The following ARHGAP24 variants were observed in gnomAD, a reference collection of about 807,000 sequenced individuals.
ARHGAP24 encodes Rho GTPase activating protein 24.
A neutral mutation model predicts 76.4 loss-of-function variants in ARHGAP24; 50 were observed. The ratio of observed to expected loss-of-function variants is 0.65; its 90% confidence interval spans 0.52 to 0.83. ARHGAP24 has a LOEUF of 0.83. Among genes scored for constraint, ARHGAP24 ranks in the 40% least tolerant of loss-of-function variants. The pLI is 0.00. For synonymous variants in ARHGAP24, 345 were observed against 323.3 expected, an observed-to-expected ratio of 1.07 and a Z score of -0.72; for missense variants, 930 against 914.2, an observed-to-expected ratio of 1.02 and a Z score of -0.22.
At chr4:85,975,049 C>A in intron 7 of ARHGAP24, 88 bp downstream of exon 7, 1 of 1,198,118 alleles carries the variant, frequency 8.3e-7, no homozygotes, top group Non-Finnish European at 1.2e-6. Flanking sequence ...TAAAATCACT[C>A]AACTACTTCG....
At chr4:85,976,240 G>A (rs1739313811) in intron 7 of ARHGAP24, among the ~76,000 whole-genome samples, 1 of 152,188 alleles carries the variant, frequency 6.6e-6, no homozygotes, top group South Asian at 2.1e-4. Context: ...TTTGCCTTCA[G>A]TGTTACTATA....
At chr4:85,627,664 A>G (rs1231319159) in intron 2 of ARHGAP24, among the ~76,000 whole-genome samples, 2 of 152,216 alleles carry the variant, frequency 1.3e-5, no homozygotes, top group Admixed American at 1.3e-4. Flanking sequence ...CCCTGCCCCC[A>G]GAAGTGGAGC....
At chr4:85,789,532 A>G (rs1245848920) in intron 3 of ARHGAP24, among the ~76,000 whole-genome samples, 1 of 152,202 alleles carries the variant, frequency 6.6e-6, no homozygotes, top group African/African-American at 2.4e-5. Flanking sequence ...AACTTATAAT[A>G]GAACCAACAT....
intron 3 of ARHGAP24, among the ~76,000 whole-genome samples, chr4:85,768,241 A>G (rs1395040607): frequency 6.6e-6 from 1 of 152,244 alleles, no homozygotes; most frequent in Admixed American, 6.5e-5. Flanking sequence ...TTCAAAATCT[A>G]AAGATTGGAT....
intron 3 of ARHGAP24, among the ~76,000 whole-genome samples, chr4:85,894,960 CAAAAAAAAAAAAAAA>C (rs540459367): frequency 2.8e-5 from 1 of 35,356 alleles, no homozygotes; most frequent in African/African-American, 8.1e-5. Context: ...GACTCCCTCT[CAAAAAAAAAAAAAAA>C]AAAAAAAAAA....
At chr4:85,922,699 C>A (rs1181748027) in intron 3 of ARHGAP24, among the ~76,000 whole-genome samples, 1 of 152,134 alleles carries the variant, frequency 6.6e-6, no homozygotes, top group African/African-American at 2.4e-5. Context: ...CAGAAATACT[C>A]CTTTAAACAT....
chr4:85,513,978 C>G (rs1320574044), intron 1 of ARHGAP24, among the ~76,000 whole-genome samples: 1 of 152,152 alleles, frequency 6.6e-6, no homozygotes, highest in African/African-American at 2.4e-5. Flanking sequence ...GCAGTTTCTT[C>G]TCTTATAAAA....
Position 85,500,007 on chromosome 4 carries a change from A to G in ARHGAP24, c.-21+24448A>G, listed in dbSNP as rs1723739653. On this transcript the variant is annotated intron_variant, in intron 1 of 9. Transcript: ENST00000395184. ...AATACCAACTAAGTATTTGTGATAA[A>G]ATTTAGCATCCAAATTGAGATGTAC... 2.0e-5 allele frequency among the ~76,000 whole-genome samples: 3 copies of G among 152,184 alleles called. No homozygotes were observed. The South Asian group carries it at 6.2e-4, about 32-fold the overall frequency.
At chr4:85,927,409 A>G (rs999250694) in intron 4 of ARHGAP24, among the ~76,000 whole-genome samples, 40 of 152,264 alleles carry the variant, frequency 2.6e-4, no homozygotes, top group Middle Eastern at 6.8e-3. Flanking sequence ...TCTAGAATTA[A>G]CTGTGGTAAT....
intron 2 of ARHGAP24, among the ~76,000 whole-genome samples, chr4:85,678,284 C>T (rs572789436): frequency 3.9e-5 from 6 of 152,134 alleles, no homozygotes; most frequent in East Asian, 1.9e-4. Context: ...ACAGGAGGAT[C>T]GTTTGAGCCC....
intron 3 of ARHGAP24, among the ~76,000 whole-genome samples, chr4:85,912,059 A>G (rs1278823507): frequency 6.6e-6 from 1 of 152,210 alleles, no homozygotes; most frequent in Non-Finnish European, 1.5e-5. Flanking sequence ...TGAAGAATTA[A>G]CAGGGTGAGC....
chr4:85,930,687 A>G, intron 4 of ARHGAP24: 1 of 1,189,334 alleles, frequency 8.4e-7, no homozygotes, highest in Non-Finnish European at 1.0e-6. Flanking sequence ...AAAAAGAAAA[A>G]AAAAACCTTA....
chr4:85,594,126 T>C (rs1728222027), intron 2 of ARHGAP24, among the ~76,000 whole-genome samples: 1 of 152,054 alleles, frequency 6.6e-6, no homozygotes, highest in Non-Finnish European at 1.5e-5. Flanking sequence ...TTCATTTCTT[T>C]CAGCAGTATT....
chr4:85,656,709 A>G (rs1905081), intron 2 of ARHGAP24, among the ~76,000 whole-genome samples: 58,643 of 151,546 alleles, frequency 0.39, 12,705 homozygotes, highest in East Asian at 0.84. Flanking sequence ...CTCGTGATCC[A>G]CCCGCCTCAG....
chr4:85,866,079 A>C (rs902119132), intron 3 of ARHGAP24, among the ~76,000 whole-genome samples: 1 of 152,136 alleles, frequency 6.6e-6, no homozygotes, highest in Non-Finnish European at 1.5e-5. Context: ...ATGATCCCTT[A>C]TAGGCTCTAT....
intron 4 of ARHGAP24, among the ~76,000 whole-genome samples, chr4:85,934,332 C>G (rs569140678): frequency 1.3e-5 from 2 of 152,222 alleles, no homozygotes; most frequent in Admixed American, 6.5e-5. Flanking sequence ...AAACACATGT[C>G]CTACACCACT....
At chr4:85,493,587 T>C (rs978998676) in intron 1 of ARHGAP24, among the ~76,000 whole-genome samples, 1 of 152,326 alleles carries the variant, frequency 6.6e-6, no homozygotes, top group African/African-American at 2.4e-5. Context: ...AAGTTGGCTC[T>C]TGTGCCCTTT....
chr4:85,728,280 A>G (rs1159210749), intron 3 of ARHGAP24, among the ~76,000 whole-genome samples: 2 of 150,832 alleles, frequency 1.3e-5, no homozygotes, highest in Non-Finnish European at 1.5e-5. Context: ...AATTGCACAT[A>G]CTTTTGAGGA....
chr4:85,531,651 A>G (rs997541267), intron 1 of ARHGAP24, among the ~76,000 whole-genome samples: 1 of 152,120 alleles, frequency 6.6e-6, no homozygotes, highest in Non-Finnish European at 1.5e-5. Context: ...TATGCAGAGT[A>G]TATCACTTTG....
Sources: allele counts gnomAD v4.1 joint callset (sites outside exome capture counted in the v4.1 genomes callset), GRCh38; gene constraint gnomAD v4.1.1; transcripts MANE v1.5; gene names NCBI Gene and HGNC (gene_info 2026-07-23, HGNC 2026-07-21).